Variants in CCKAR observed in about 807,000 individuals in gnomAD.
CCKAR encodes cholecystokinin receptor type A.
In CCKAR, 21 loss-of-function variants were observed where a neutral mutation model predicts 29.8. The ratio of observed to expected loss-of-function variants is 0.70; its 90% CI spans 0.50 to 1.01. The LOEUF is 1.01. Among genes scored for constraint, CCKAR ranks in the 50% least tolerant of loss-of-function variants. The pLI is 0.00. For synonymous variants in CCKAR, 238 were observed against 221.3 expected (o/e 1.08, Z -0.67); for missense variants, 570 against 560.6 (o/e 1.02, Z -0.17).
rs368386080 is a variant in CCKAR at position 26,482,188 on chromosome 4, A to T, written c.755-18T>A. The T allele has an allele frequency of 6.3e-7, 1 of 1,590,266 alleles. No homozygotes were observed. On this transcript the variant is annotated intron_variant, in intron 4 of 4. Coordinates refer to ENST00000295589, the MANE Select transcript of CCKAR (RefSeq NM_000730.3). ...TTTCCTTTCTGGGTGGGCAAGAGAC[A>T]TCACTCATTGCTGGGGATGGGTCAT...
Position 26,490,342 on chromosome 4 carries a change from G to T in CCKAR, c.-75C>A. On this transcript the variant is annotated 5_prime_UTR_variant, in exon 1 of 5. Coordinates refer to ENST00000295589, the MANE Select transcript of CCKAR (RefSeq NM_000730.3). Reference sequence around the variant, plus strand: ...CTCCCGGCTCATTCCTCTAATGACCGAAGCGTCTCGCAGATGCAACCTGCC... The same window carrying T: ...CTCCCGGCTCATTCCTCTAATGACCTAAGCGTCTCGCAGATGCAACCTGCC... The T allele has an allele frequency of 4.0e-6, 4 of 1,003,402 alleles. No individual in the cohort carries two copies. The highest frequency in any genetic ancestry group is 6.3e-6 in the Non-Finnish European group (4 of 637,994). 62.2% of individuals were successfully genotyped at this position (1,003,402 alleles called of 1,614,324 possible).
Position 26,483,226 on chromosome 4 carries a change from T to C in CCKAR, c.684A>G (p.Ala228=), listed in dbSNP as rs201374430. ...AGAGTTCCAAAGAGATTAATCCATA[T>C]GCCACCATCATCACAATTCCAGGAA... ...FLIPGIVMMV[A]YGLISLELYQ... The change falls in exon 4 of 5, where the codon GCA becomes GCG. Residue 228 remains alanine, a synonymous_variant. Coordinates refer to ENST00000295589, the MANE Select transcript of CCKAR (RefSeq NM_000730.3). 6.8e-6 allele frequency: 11 copies of C among 1,613,630 alleles called. No individual in the cohort carries two copies. Among genetic ancestry groups the C allele is most frequent in the South Asian group, 4.4e-5 (4 of 91,054 alleles).
chr4:26,482,220 T>C, intron 4 of CCKAR, 50 bp from the exon 5 acceptor site: 1 of 1,530,924 alleles, frequency 6.5e-7, no homozygotes, highest in Non-Finnish European at 8.8e-7. Context: ...TCATGCCCGG[T>C]AGAAGGCATG....
chr4:26,489,495 A>T lies in CCKAR; in HGVS notation c.113-11T>A, dbSNP rs1800855. 400,917 of 1,610,626 alleles carry T rather than the reference A, an allele frequency of 0.25. 56,404 individuals are homozygous for T. The highest frequency in any genetic ancestry group is 0.58 in the East Asian group (25,857 of 44,780). ...CCGCTGGCTGCCACTCTGCAGAGAG[A>T]AACAGGAGCAAGACGGAGGGATGGA... is the stretch of plus-strand genomic sequence containing the variant. On this transcript the variant is annotated splice_polypyrimidine_tract_variant and intron_variant, in intron 1 of 4. Coordinates refer to ENST00000295589, the MANE Select transcript of CCKAR (RefSeq NM_000730.3).
At position 26,482,095 on chromosome 4, in the gene CCKAR, G is replaced by A. The variant is rs201639343; in HGVS notation, c.830C>T (p.Pro277Leu). ...CAGCTGCCGGAGCTCCAGCTTCCTC[G>A]GGGGCCTGGTCTTTTGCAGGTAACA... ...DGCYLQKTRP[P>L]RKLELRQLST... The change falls in exon 5 of 5, where the codon CCG becomes CTG. Residue 277 changes from proline to leucine, a missense_variant. Coordinates refer to ENST00000295589, the MANE Select transcript of CCKAR (RefSeq NM_000730.3). The A allele has an allele frequency of 3.7e-6, 6 of 1,614,036 alleles. No homozygotes were observed. Among genetic ancestry groups the A allele is most frequent in the African/African-American group, 2.7e-5 (2 of 74,918 alleles).
chr4:26,482,661 T>G lies in CCKAR; in HGVS notation c.755-491A>C, dbSNP rs371121351. Reference sequence around the variant, plus strand: ...GTCAACAAGGGTGTCAAGGTCAATTTTCATGGACAGTGGATTGTAATGAAT... The same window carrying G: ...GTCAACAAGGGTGTCAAGGTCAATTGTCATGGACAGTGGATTGTAATGAAT... On this transcript the variant is annotated intron_variant, in intron 4 of 4. Transcript: ENST00000295589. Among the ~76,000 whole-genome samples the G allele has an allele frequency of 3.9e-4, 59 of 152,294 alleles. 1 individual carries two copies. In the South Asian group the frequency reaches 0.012, roughly 30 times the overall value.
In CCKAR at chr4:26,482,720, G is replaced by A. The variant is rs143003905; in HGVS notation, c.754+436C>T. Among the ~76,000 whole-genome samples the A allele has an allele frequency of 2.7e-3, 413 of 152,268 alleles. 3 individuals carry two copies. The highest frequency in any genetic ancestry group is 9.3e-3 in the African/African-American group (386 of 41,556). On this transcript the variant is annotated intron_variant, in intron 4 of 4. Transcript: ENST00000295589. ...AATGAGGCTTTGTGGCCACTGCAGG[G>A]TGAAAATAAAAAGGAGAGAGGATGA... is the stretch of plus-strand genomic sequence containing the variant.
chr4:26,489,197 G>C (rs977495548), intron 2 of CCKAR, 36 bp downstream of exon 2: 1 of 1,612,078 alleles, frequency 6.2e-7, no homozygotes, highest in South Asian at 1.1e-5. Context: ...TGGGGTCTGG[G>C]GCAAGCTCCA....
intron 1 of CCKAR, 37 bp downstream of exon 1, chr4:26,490,119 A>T: frequency 6.0e-6 from 8 of 1,340,484 alleles, no homozygotes; most frequent in Non-Finnish European, 8.6e-6. Flanking sequence ...ACAACTCAAT[A>T]GTTTCCTGAA....
intron 3 of CCKAR, 120 bp downstream of exon 3, chr4:26,485,517 T>C (rs941241222): frequency 2.1e-5 from 22 of 1,038,658 alleles, no homozygotes; most frequent in East Asian, 7.3e-5. Flanking sequence ...TAGAAAGACC[T>C]TCTCAAAACG....
Position 26,489,344 on chromosome 4 carries a change from CA to C in CCKAR, c.252del (p.Val85SerfsTer41), listed in dbSNP as rs1389911177. ...AAGAGACAGAGCATGAGGTCGCTGA[CA>C]GCCAGGGAGAGGAGGAAGATGTTGG... ...TVTNIFLLSL[A>X]VSDLMLCLFC... On this transcript the variant is annotated frameshift_variant, in exon 2 of 5. Transcript: ENST00000295589. LOFTEE classifies it high-confidence loss of function. 6.2e-7 allele frequency: 1 copy of C among 1,614,172 alleles called. No individual in the cohort carries two copies. The highest frequency in any genetic ancestry group is 1.1e-5 in the South Asian group (1 of 91,078).
chr4:26,482,473 G>C (rs1310368161), intron 4 of CCKAR, among the ~76,000 whole-genome samples: 1 of 152,186 alleles, frequency 6.6e-6, no homozygotes, highest in African/African-American at 2.4e-5. Flanking sequence ...TAGCTCCCCA[G>C]AGGGAAGGTT....
chr4:26,481,408 G>T lies in CCKAR; in HGVS notation c.*230C>A, dbSNP rs1234042861. 3.4e-6 allele frequency: 2 copies of T among 585,328 alleles called. No homozygotes were observed. Among genetic ancestry groups the T allele is most frequent in the Middle Eastern group, 4.5e-4 (1 of 2,198 alleles). The allele number at this position is 585,328 out of a possible 1,614,324, so 36.3% of individuals were successfully genotyped here. A position where few individuals can be genotyped will look rare whatever the true frequency, so the allele number is the denominator to read the frequency against. On this transcript the variant is annotated 3_prime_UTR_variant, in exon 5 of 5. Transcript: ENST00000295589. ...TGCTGAGGATTTTCTGATGGTGAGT[G>T]TTACTTAACATATCCTGCTTTGAAC... is the stretch of plus-strand genomic sequence containing the variant.
At chr4:26,486,919 T>G (rs2109880319) in intron 2 of CCKAR, among the ~76,000 whole-genome samples, 1 of 152,032 alleles carries the variant, frequency 6.6e-6, no homozygotes, top group Non-Finnish European at 1.5e-5. Flanking sequence ...ATCTCAAAAA[T>G]AAAATAAAAT....
At chr4:26,484,537 C>T (rs1737410171) in intron 3 of CCKAR, among the ~76,000 whole-genome samples, 1 of 152,200 alleles carries the variant, frequency 6.6e-6, no homozygotes, top group Non-Finnish European at 1.5e-5. Context: ...AAAATATCCA[C>T]ATTGTTAACT....
At chr4:26,485,991 G>T in intron 2 of CCKAR, 93 bp from the exon 3 acceptor site, 1 of 1,088,074 alleles carries the variant, frequency 9.2e-7, no homozygotes, top group Non-Finnish European at 1.3e-6. Flanking sequence ...GCACAGGTTT[G>T]ATATCAAAGG....
intron 3 of CCKAR, among the ~76,000 whole-genome samples, chr4:26,485,352 C>CA (rs1737428584): frequency 6.6e-6 from 1 of 152,094 alleles, no homozygotes; most frequent in African/African-American, 2.4e-5. Flanking sequence ...TTAACCTTTC[C>CA]AAGTCTCAGT....
Position 26,481,584 on chromosome 4 carries a change from T to A in CCKAR, c.*54A>T. The A allele has an allele frequency of 2.5e-6, 4 of 1,588,924 alleles. No individual in the cohort carries two copies. In the South Asian group the frequency reaches 4.4e-5, roughly 18 times the overall value. ...TCTTCCTGATCTCTTCTTCCGTTCT[T>A]TCTTCTCTGCCTCCTCCCTGCCTTC... is the stretch of plus-strand genomic sequence containing the variant. On this transcript the variant is annotated 3_prime_UTR_variant, in exon 5 of 5. Transcript: ENST00000295589.
intron 3 of CCKAR, 45 bp from the exon 4 acceptor site, chr4:26,483,328 T>C: frequency 6.3e-7 from 1 of 1,598,256 alleles, no homozygotes; most frequent in Non-Finnish European, 8.5e-7. Context: ...CTTTAGACCT[T>C]CAAACTCAAA....
Sources: allele counts gnomAD v4.1 joint callset (sites outside exome capture counted in the v4.1 genomes callset), GRCh38; gene constraint gnomAD v4.1.1; transcripts MANE v1.5; gene names NCBI Gene and HGNC (gene_info 2026-07-23, HGNC 2026-07-21).